LRRC4C: variants seen among roughly 807,000 people sequenced by gnomAD.
LRRC4C encodes leucine-rich repeat-containing protein 4C.
In LRRC4C, 5 loss-of-function variants were observed where a neutral mutation model predicts 33.6. That is an observed-to-expected ratio of 0.15 (90% confidence interval 0.08 to 0.31). The LOEUF (loss-of-function observed/expected upper bound fraction) is 0.31. Ranked by LOEUF, LRRC4C falls within the 10% of genes least tolerant of loss-of-function variation. The pLI, the probability that LRRC4C is intolerant of heterozygous loss-of-function variation, is 1.00. For synonymous variants in LRRC4C, 329 were observed against 302.0 expected, an observed-to-expected ratio of 1.09 and a Z score of -0.93; for missense variants, 560 against 796.7, an observed-to-expected ratio of 0.70 and a Z score of 3.58.
At chr11:40,237,157 ATAT>A (rs1186748074) in intron 5 of LRRC4C, among the ~76,000 whole-genome samples, 1 of 152,238 alleles carries the variant, frequency 6.6e-6, no homozygotes, top group Non-Finnish European at 1.5e-5. Flanking sequence ...TCACATAAAA[ATAT>A]TATTGCCACC....
At chr11:40,165,494 G>T (rs1222629272) in intron 5 of LRRC4C, among the ~76,000 whole-genome samples, 1 of 152,112 alleles carries the variant, frequency 6.6e-6, no homozygotes, top group Non-Finnish European at 1.5e-5. Flanking sequence ...GTGAGGAGTA[G>T]AGAGAAAAAC....
At chr11:40,518,149 T>TG (rs1955650433) in intron 3 of LRRC4C, among the ~76,000 whole-genome samples, 1 of 152,082 alleles carries the variant, frequency 6.6e-6, no homozygotes, top group African/African-American at 2.4e-5. Flanking sequence ...CCTTAAACCA[T>TG]AAAAATCCTA....
At chr11:40,573,052 C>T (rs780250265) in intron 3 of LRRC4C, among the ~76,000 whole-genome samples, 2 of 152,038 alleles carry the variant, frequency 1.3e-5, no homozygotes, top group Non-Finnish European at 2.9e-5. Context: ...TTAGATTACT[C>T]AAGATAAAAT....
At chr11:41,297,184 T>C (rs773047782) in intron 1 of LRRC4C, among the ~76,000 whole-genome samples, 1 of 152,162 alleles carries the variant, frequency 6.6e-6, no homozygotes, top group Non-Finnish European at 1.5e-5. Flanking sequence ...ATGTATCACA[T>C]TGATTAATTT....
chr11:41,167,926 A>G (rs1458474727), intron 1 of LRRC4C, among the ~76,000 whole-genome samples: 2 of 152,242 alleles, frequency 1.3e-5, no homozygotes, highest in South Asian at 4.1e-4. Context: ...ATGTCTGTAC[A>G]TACCAGAAAT....
At chr11:41,156,105 G>A (rs76754777) in intron 1 of LRRC4C, among the ~76,000 whole-genome samples, 1,522 of 152,066 alleles carry the variant, frequency 0.01, 14 homozygotes, top group South Asian at 0.027. Context: ...ACCCATCTAC[G>A]CAAAGCAAAA....
chr11:41,228,681 A>G (rs1442633451), intron 1 of LRRC4C, among the ~76,000 whole-genome samples: 1 of 152,136 alleles, frequency 6.6e-6, no homozygotes, highest in Non-Finnish European at 1.5e-5. Flanking sequence ...AAACTAGTGT[A>G]TGATTCTTTT....
In LRRC4C at chr11:40,665,027, T is replaced by C. The variant is rs145618777; in HGVS notation, c.-406-16749A>G. Among the ~76,000 whole-genome samples, 642 of 151,176 alleles carry C rather than the reference T, an allele frequency of 4.2e-3. 6 individuals carry two copies. Among genetic ancestry groups the C allele is most frequent in the African/African-American group, 0.015 (618 of 41,140 alleles). ...CCTATGAGTGAGAAAATGCGGTGTT[T>C]GGTTTTTTGTCCTTGCGGTAGTTTG... On this transcript the variant is annotated intron_variant, in intron 2 of 6. Transcript: ENST00000528697.
intron 1 of LRRC4C, among the ~76,000 whole-genome samples, chr11:41,367,970 A>T (rs1215141835): frequency 2.6e-5 from 4 of 152,102 alleles, no homozygotes; most frequent in African/African-American, 9.7e-5. Context: ...TCCAAGAGCA[A>T]TTTTTTTGCC....
chr11:40,611,812 G>A (rs1362677448), intron 3 of LRRC4C, among the ~76,000 whole-genome samples: 2 of 151,594 alleles, frequency 1.3e-5, no homozygotes, highest in Non-Finnish European at 3.0e-5. Context: ...AAACCATAAG[G>A]AAATATCACT....
intron 2 of LRRC4C, among the ~76,000 whole-genome samples, chr11:40,687,988 C>T (rs1387986575): frequency 6.7e-6 from 1 of 149,434 alleles, no homozygotes; most frequent in Admixed American, 6.7e-5. Flanking sequence ...GCTTTACAGA[C>T]TTTTTTTTTT....
chr11:40,688,604 C>T (rs1945075161), intron 2 of LRRC4C, among the ~76,000 whole-genome samples: 1 of 152,054 alleles, frequency 6.6e-6, no homozygotes, highest in Non-Finnish European at 1.5e-5. Flanking sequence ...AGTCCGATTG[C>T]TGCAGCCATA....
intron 5 of LRRC4C, among the ~76,000 whole-genome samples, chr11:40,198,419 C>T (rs755737018): frequency 3.9e-5 from 6 of 152,194 alleles, no homozygotes; most frequent in Non-Finnish European, 5.9e-5. Context: ...CCTCGATTAA[C>T]AATTGTTATG....
At chr11:41,398,191 C>T (rs546738471) in intron 1 of LRRC4C, among the ~76,000 whole-genome samples, 1 of 152,114 alleles carries the variant, frequency 6.6e-6, no homozygotes, top group Admixed American at 6.6e-5. Flanking sequence ...TTTCTACTGC[C>T]TCAGGGGTCA....
intron 3 of LRRC4C, among the ~76,000 whole-genome samples, chr11:40,461,316 T>C (rs997641879): frequency 6.6e-6 from 1 of 152,136 alleles, no homozygotes; most frequent in East Asian, 1.9e-4. Flanking sequence ...ACTGGTAGGA[T>C]GTAGTGAAGC....
intron 1 of LRRC4C, among the ~76,000 whole-genome samples, chr11:41,099,185 A>G (rs1941004388): frequency 6.6e-6 from 1 of 152,068 alleles, no homozygotes; most frequent in Admixed American, 6.6e-5. Flanking sequence ...AAATTAAATC[A>G]ATAAGAAATA....
chr11:41,224,504 C>A (rs577540043), intron 1 of LRRC4C, among the ~76,000 whole-genome samples: 58 of 152,228 alleles, frequency 3.8e-4, no homozygotes, highest in Middle Eastern at 3.4e-3. Context: ...TACAGTCTTA[C>A]TGATAATAAA....
At chr11:40,266,946 C>CACCT (rs1312767857) in intron 4 of LRRC4C, among the ~76,000 whole-genome samples, 1 of 133,890 alleles carries the variant, frequency 7.5e-6, no homozygotes, top group Non-Finnish European at 1.6e-5. Flanking sequence ...CACACCCACC[C>CACCT]ACCCACCCAC....
intron 3 of LRRC4C, among the ~76,000 whole-genome samples, chr11:40,461,670 TTATA>T (rs1008230332): frequency 1.3e-5 from 2 of 148,900 alleles, no homozygotes. Context: ...TATATACAAA[TTATA>T]TATATATTAT....
Sources: allele counts gnomAD v4.1 joint callset (sites outside exome capture counted in the v4.1 genomes callset), GRCh38; gene constraint gnomAD v4.1.1; transcripts MANE v1.5; gene names NCBI Gene and HGNC (gene_info 2026-07-23, HGNC 2026-07-21).